ZSCAN5A: variants seen among roughly 807,000 people sequenced by gnomAD.
ZSCAN5A encodes the protein zinc finger and SCAN domain-containing protein 5A.
A neutral mutation model predicts 23.7 loss-of-function variants in ZSCAN5A; 12 were observed. The ratio of observed to expected loss-of-function variants is 0.51; its 90% confidence interval spans 0.32 to 0.82. ZSCAN5A has a LOEUF of 0.82. Among genes scored for constraint, ZSCAN5A ranks in the 40% least tolerant of loss-of-function variants. ZSCAN5A has a pLI of 0.03. For synonymous variants in ZSCAN5A, 257 were observed against 239.9 expected, an observed-to-expected ratio of 1.07 and a Z score of -0.66; for missense variants, 597 against 617.9, an observed-to-expected ratio of 0.97 and a Z score of 0.36.
intron 2 of ZSCAN5A, among the ~76,000 whole-genome samples, chr19:56,349,609 G>A (rs1345620568): frequency 2.7e-5 from 4 of 150,088 alleles, no homozygotes; most frequent in Non-Finnish European, 3.0e-5. Flanking sequence ...GGAGGCTGAG[G>A]CAGGAGAATC....
chr19:56,222,043 T>C lies in ZSCAN5A; in HGVS notation c.1023A>G (p.Pro341=), dbSNP rs778235623. 36 of 1,614,078 alleles carry C rather than the reference T, an allele frequency of 2.2e-5. No individual in the cohort carries two copies. Among genetic ancestry groups the C allele is most frequent in the African/African-American group, 9.3e-5 (7 of 74,928 alleles). Residue 341 remains proline, a synonymous_variant, in exon 6 of 6, where the codon CCA becomes CCG. Coordinates refer to ENST00000683990, the MANE Select transcript of ZSCAN5A (RefSeq NM_001322064.3). ...CTTCTTGGCCATCCGGGTGACTGAC[T>C]GGGCTCGCAGGGCCTGGGGAATGAA... The part of the protein sequence containing the change: ...NSIHSPGPAS[P]VSHPDGQEAK...
At chr19:56,364,866 G>T (rs2041755469) in intron 1 of ZSCAN5A, 1 of 152,206 alleles carries the variant, frequency 6.6e-6, no homozygotes, top group Non-Finnish European at 1.5e-5. Context: ...GAATCTATGG[G>T]ATAAACATCA....
At chr19:56,314,885 G>C (rs879612323), upstream of ZSCAN5A, 1 of 152,252 alleles carries the variant, frequency 6.6e-6, no homozygotes, top group African/African-American at 2.4e-5. Context: ...CGGGGCGGGG[G>C]TCGCAACTCC....
chr19:56,302,451 T>C (rs1339894486), intron 2 of ZSCAN5A, among the ~76,000 whole-genome samples: 3 of 133,640 alleles, frequency 2.2e-5, no homozygotes, highest in Non-Finnish European at 4.8e-5. Flanking sequence ...TTTCTTCCTC[T>C]CTCCGTCTGC....
intron 2 of ZSCAN5A, among the ~76,000 whole-genome samples, chr19:56,323,926 A>C (rs2041408364): frequency 1.3e-5 from 2 of 152,180 alleles, no homozygotes; most frequent in African/African-American, 4.8e-5. Context: ...TCTAATGATA[A>C]ACCAGGACAA....
intron 2 of ZSCAN5A, among the ~76,000 whole-genome samples, chr19:56,293,583 C>T (rs1001032536): frequency 2.6e-5 from 4 of 152,200 alleles, no homozygotes; most frequent in African/African-American, 9.6e-5. Flanking sequence ...TTCGGACCCT[C>T]GCCTCCTGAA....
intron 2 of ZSCAN5A, among the ~76,000 whole-genome samples, chr19:56,230,938 T>C (rs573497863): frequency 1.3e-5 from 2 of 152,292 alleles, no homozygotes; most frequent in South Asian, 2.1e-4. Context: ...TTATTGAACA[T>C]TGTACTGAAA....
At chr19:56,269,297 T>C (rs2037681004) in intron 2 of ZSCAN5A, among the ~76,000 whole-genome samples, 2 of 152,198 alleles carry the variant, frequency 1.3e-5, no homozygotes. Context: ...CTTTAAAACA[T>C]TCACAATTAT....
chr19:56,343,359 T>C (rs1398500242), intron 2 of ZSCAN5A: 7 of 570,604 alleles, frequency 1.2e-5, no homozygotes, highest in Non-Finnish European at 2.4e-5. Context: ...AAGGTAGCAG[T>C]TGTCTTAGAG....
rs140797430 is a variant in ZSCAN5A at position 56,304,148 on chromosome 19, G to A, written c.-128+9135C>T. On this transcript the variant is annotated intron_variant, in intron 2 of 5. Coordinates refer to ENST00000683990, the MANE Select transcript of ZSCAN5A (RefSeq NM_001322064.3). ...GGGCGAGAGTGGGAGCAGACAGACT[G>A]AGAGGAGGAGACACACTGAGAGGAG... is the stretch of plus-strand genomic sequence containing the variant. Among the ~76,000 whole-genome samples, 478 of 152,304 alleles carry A rather than the reference G, an allele frequency of 3.1e-3. 4 individuals carry two copies. The highest frequency in any genetic ancestry group is 0.011 in the African/African-American group (464 of 41,560).
At chr19:56,273,911 G>A (rs1404297716) in intron 2 of ZSCAN5A, among the ~76,000 whole-genome samples, 1 of 152,136 alleles carries the variant, frequency 6.6e-6, no homozygotes, top group Non-Finnish European at 1.5e-5. Flanking sequence ...AATGTGTCTT[G>A]CCCTCAGGAA....
chr19:56,336,223 A>G (rs2041534587), intron 2 of ZSCAN5A, among the ~76,000 whole-genome samples: 1 of 152,214 alleles, frequency 6.6e-6, no homozygotes, highest in East Asian at 1.9e-4. Context: ...AGGTACACCA[A>G]TCAGACGTAG....
At chr19:56,368,174 T>A (rs773362348) in intron 1 of ZSCAN5A, 2 of 152,382 alleles carry the variant, frequency 1.3e-5, no homozygotes, top group East Asian at 1.9e-4. Context: ...AGGCTCCGCG[T>A]CGAGGCCCTA....
At chr19:56,295,369 G>A (rs764299166) in intron 2 of ZSCAN5A, among the ~76,000 whole-genome samples, 1 of 151,986 alleles carries the variant, frequency 6.6e-6, no homozygotes, top group Non-Finnish European at 1.5e-5. Context: ...TGATGCGGGC[G>A]GATCACCTCA....
At chr19:56,327,580 AAT>A (rs2041446644) in intron 2 of ZSCAN5A, among the ~76,000 whole-genome samples, 1 of 151,212 alleles carries the variant, frequency 6.6e-6, no homozygotes, top group Admixed American at 6.6e-5. Context: ...AATATATACA[AAT>A]ATCTTATATG....
intron 2 of ZSCAN5A, among the ~76,000 whole-genome samples, chr19:56,327,744 CTAA>C (rs1305633107): frequency 1.8e-4 from 27 of 151,532 alleles, no homozygotes; most frequent in Middle Eastern, 6.9e-3. Context: ...TACACATCTA[CTAA>C]TATATGTAAT....
intron 2 of ZSCAN5A, among the ~76,000 whole-genome samples, chr19:56,330,170 C>T (rs75578601): frequency 4.6e-5 from 7 of 152,186 alleles, no homozygotes; most frequent in South Asian, 4.1e-4. Flanking sequence ...GATTTTGTTC[C>T]GTTTTATGAC....
At chr19:56,324,985 T>C (rs2041419546) in intron 2 of ZSCAN5A, among the ~76,000 whole-genome samples, 2 of 152,172 alleles carry the variant, frequency 1.3e-5, no homozygotes, top group Non-Finnish European at 1.5e-5. Flanking sequence ...AACAACTCCT[T>C]ACAAAAAGAA....
intron 2 of ZSCAN5A, among the ~76,000 whole-genome samples, chr19:56,278,758 T>C (rs367623502): frequency 3.3e-5 from 5 of 152,174 alleles, no homozygotes; most frequent in African/African-American, 1.2e-4. Flanking sequence ...CTGAGGCCAA[T>C]GGCCTGGGAG....
Sources: allele counts gnomAD v4.1 joint callset (sites outside exome capture counted in the v4.1 genomes callset), GRCh38; gene constraint gnomAD v4.1.1; transcripts MANE v1.5; gene names NCBI Gene and HGNC (gene_info 2026-07-23, HGNC 2026-07-21).